ZNF423: variants seen among roughly 807,000 people sequenced by gnomAD.
The protein encoded by ZNF423 is zinc finger protein 423.
In ZNF423, 12 loss-of-function variants were observed where a neutral mutation model predicts 95.8. The ratio of observed to expected loss-of-function variants is 0.13; its 90% CI spans 0.08 to 0.20. The LOEUF is 0.20. Among genes scored for constraint, ZNF423 ranks in the 10% least tolerant of loss-of-function variants. ZNF423 has a pLI of 1.00. For missense variants in ZNF423, 1,316 were observed against 1,737.1 expected, an observed-to-expected ratio of 0.76 and a Z score of 4.31; for synonymous variants, 749 against 711.9, an observed-to-expected ratio of 1.05 and a Z score of -0.83.
In ZNF423 at chr16:49,634,096, C is replaced by T. The variant is rs182630097; in HGVS notation, c.3516+1564G>A. ...TAAATTTTTGTATTTTTAGTAGAGA[C>T]GGGGTTTCACCGTGTTGGCCAGGAT... is the stretch of plus-strand genomic sequence containing the variant. On this transcript the variant is annotated intron_variant, in intron 4 of 7. Transcript: ENST00000563137. Among the ~76,000 whole-genome samples, 253 of 151,836 alleles carry T rather than the reference C, an allele frequency of 1.7e-3. 1 individual carries two copies. Among genetic ancestry groups the T allele is most frequent in the African/African-American group, 4.8e-3 (200 of 41,412 alleles).
At position 49,602,935 on chromosome 16, in the gene ZNF423, C is replaced by G. The variant is rs186631512; in HGVS notation, c.3601+23235G>C. ...CCCCAAAGGTTAACAGCGGAGCTGC[C>G]GGCGGGCGATCAGCACCGAGGAGCG... On this transcript the variant is annotated intron_variant, in intron 5 of 7. Coordinates refer to ENST00000563137, the MANE Select transcript of ZNF423 (RefSeq NM_001379286.1). Among the ~76,000 whole-genome samples, 1,286 of 152,340 alleles carry G rather than the reference C, an allele frequency of 8.4e-3. 11 individuals are homozygous for G. The highest frequency in any genetic ancestry group is 0.013 in the Non-Finnish European group (901 of 68,038).
At chr16:49,674,238 A>C (rs926345496) in intron 3 of ZNF423, among the ~76,000 whole-genome samples, 38 of 152,320 alleles carry the variant, frequency 2.5e-4, no homozygotes, top group Middle Eastern at 6.8e-3. Flanking sequence ...ATGAGTGTGA[A>C]ACGCAAACAA....
In ZNF423 at chr16:49,746,905, CG is replaced by C. The variant is rs1364156869; in HGVS notation, c.101-15935del. Among the ~76,000 whole-genome samples the C allele has an allele frequency of 2.0e-5, 3 of 152,338 alleles. No individual in the cohort carries two copies. In the East Asian group the frequency reaches 5.8e-4, roughly 29 times the overall value. ...GCTCAGCAGTTGTGGCACCCCTAGCCGTAGCATCCTGACCTTTCCCTGACCT... is the reference window on the plus strand; with the variant it reads ...GCTCAGCAGTTGTGGCACCCCTAGCCTAGCATCCTGACCTTTCCCTGACCT... On this transcript the variant is annotated intron_variant, in intron 2 of 7. Coordinates refer to ENST00000563137, the MANE Select transcript of ZNF423 (RefSeq NM_001379286.1).
intron 3 of ZNF423, among the ~76,000 whole-genome samples, chr16:49,682,153 C>T (rs893429338): frequency 3.3e-5 from 5 of 152,074 alleles, no homozygotes; most frequent in Non-Finnish European, 5.9e-5. Flanking sequence ...CGGCCAGTTT[C>T]CTCTCTGCTC....
chr16:49,639,417 T>C (rs1002608401), intron 3 of ZNF423, among the ~76,000 whole-genome samples: 1 of 152,178 alleles, frequency 6.6e-6, no homozygotes, highest in South Asian at 2.1e-4. Context: ...TCTCTGGGTA[T>C]GGGTGGACTG....
chr16:49,744,186 G>T (rs1041127096), intron 2 of ZNF423, among the ~76,000 whole-genome samples: 1 of 152,228 alleles, frequency 6.6e-6, no homozygotes, highest in East Asian at 1.9e-4. Flanking sequence ...CCCCACAAGT[G>T]GGCTGTAAGA....
chr16:49,846,848 C>T (rs531459266), intron 1 of ZNF423, among the ~76,000 whole-genome samples: 4 of 152,186 alleles, frequency 2.6e-5, no homozygotes, highest in Non-Finnish European at 5.9e-5. Context: ...TTGCTGGTGG[C>T]TCCAAGGTTC....
chr16:49,525,335 CCT>C (rs781342335), intron 6 of ZNF423, 26 bp downstream of exon 6: 1 of 1,613,264 alleles, frequency 6.2e-7, no homozygotes, highest in African/African-American at 1.3e-5. Context: ...ATCTCTCTCC[CCT>C]GAGGGGCACA....
At chr16:49,791,723 C>T (rs929129073) in intron 1 of ZNF423, among the ~76,000 whole-genome samples, 2 of 152,086 alleles carry the variant, frequency 1.3e-5, no homozygotes, top group African/African-American at 4.8e-5. Flanking sequence ...TGTCCAGGGC[C>T]GAACACAGTG....
chr16:49,508,141 T>A (rs1197939383), intron 7 of ZNF423, among the ~76,000 whole-genome samples: 1 of 152,160 alleles, frequency 6.6e-6, no homozygotes, highest in East Asian at 1.9e-4. Context: ...AATGTTTTTA[T>A]GCCTACCAGT....
chr16:49,742,682 G>A (rs1398302915), intron 2 of ZNF423, among the ~76,000 whole-genome samples: 1 of 152,124 alleles, frequency 6.6e-6, no homozygotes, highest in Non-Finnish European at 1.5e-5. Flanking sequence ...TGGGGAGCTC[G>A]ATAAATCCAG....
At chr16:49,494,731 T>C (rs1967091946) in intron 7 of ZNF423, among the ~76,000 whole-genome samples, 1 of 152,070 alleles carries the variant, frequency 6.6e-6, no homozygotes. Context: ...TCCCCAAGAC[T>C]TACCAGTCGC....
chr16:49,522,836 T>C (rs1968456861), intron 7 of ZNF423, among the ~76,000 whole-genome samples: 1 of 152,234 alleles, frequency 6.6e-6, no homozygotes. Context: ...TTTTTCTGTG[T>C]ACGTGTGTTG....
intron 3 of ZNF423, among the ~76,000 whole-genome samples, chr16:49,700,215 A>AAG (rs1555473665): frequency 0.01 from 1,365 of 135,774 alleles, 10 homozygotes; most frequent in African/African-American, 0.036. Flanking sequence ...AAAAAAAAAA[A>AAG]AACAAGAAGA....
intron 1 of ZNF423, among the ~76,000 whole-genome samples, chr16:49,821,002 TC>T (rs1482112829): frequency 6.6e-6 from 1 of 152,216 alleles, no homozygotes; most frequent in Non-Finnish European, 1.5e-5. Flanking sequence ...CCACGCATTT[TC>T]CCAACCCTTG....
chr16:49,553,341 C>T (rs530642636), intron 5 of ZNF423, among the ~76,000 whole-genome samples: 1 of 151,776 alleles, frequency 6.6e-6, no homozygotes, highest in East Asian at 1.9e-4. Context: ...TATTTCTTTT[C>T]TTATATTTTA....
chr16:49,547,637 C>T (rs1300865239), intron 5 of ZNF423, among the ~76,000 whole-genome samples: 1 of 152,226 alleles, frequency 6.6e-6, no homozygotes, highest in Non-Finnish European at 1.5e-5. Context: ...AACCCCCACG[C>T]CCTCTTCTGA....
chr16:49,681,449 G>A (rs1440107525), intron 3 of ZNF423, among the ~76,000 whole-genome samples: 2 of 152,238 alleles, frequency 1.3e-5, no homozygotes, highest in Non-Finnish European at 2.9e-5. Context: ...TACTCACGCT[G>A]CCAAGTTCAC....
At chr16:49,558,335 C>T (rs1969905103) in intron 5 of ZNF423, among the ~76,000 whole-genome samples, 2 of 152,122 alleles carry the variant, frequency 1.3e-5, no homozygotes, top group African/African-American at 4.8e-5. Flanking sequence ...CACAAGCACC[C>T]CAGGAGCATT....
Sources: allele counts gnomAD v4.1 joint callset (sites outside exome capture counted in the v4.1 genomes callset), GRCh38; gene constraint gnomAD v4.1.1; transcripts MANE v1.5; gene names NCBI Gene and HGNC (gene_info 2026-07-23, HGNC 2026-07-21).